The following CLEC16A variants were observed in gnomAD, a reference collection of about 807,000 sequenced individuals.
CLEC16A encodes C-type lectin domain containing 16A, also known as protein CLEC16A.
CLEC16A carries 51 observed loss-of-function variants against 109.5 expected under a neutral mutation model. That is an observed-to-expected ratio of 0.47 (90% confidence interval 0.37 to 0.59). CLEC16A has a LOEUF of 0.59. Ranked by LOEUF, CLEC16A falls within the 20% of genes least tolerant of loss-of-function variation. CLEC16A has a pLI of 0.00. For missense variants in CLEC16A, 1,339 were observed against 1,394.0 expected (o/e 0.96, Z 0.63); for synonymous variants, 673 against 564.2 (o/e 1.19, Z -2.73).
intron 12 of CLEC16A, among the ~76,000 whole-genome samples, chr16:11,022,335 AC>A (rs2046153579): frequency 8.2e-6 from 1 of 122,242 alleles, no homozygotes; most frequent in Non-Finnish European, 1.7e-5. Context: ...ATGTCTGGCT[AC>A]CTTTTTTTTT....
intron 19 of CLEC16A, among the ~76,000 whole-genome samples, chr16:11,109,863 C>T (rs1043714990): frequency 4.6e-5 from 7 of 152,210 alleles, no homozygotes; most frequent in Admixed American, 1.3e-4. Flanking sequence ...CTAATTTAAA[C>T]TCCAGCCGTA....
chr16:10,991,855 C>T (rs878975868), intron 10 of CLEC16A, among the ~76,000 whole-genome samples: 1 of 152,220 alleles, frequency 6.6e-6, no homozygotes, highest in Admixed American at 6.5e-5. Context: ...TTGCTCACTT[C>T]TCAGAGACCC....
At chr16:11,113,786 C>G (rs2051769624) in intron 19 of CLEC16A, among the ~76,000 whole-genome samples, 2 of 152,328 alleles carry the variant, frequency 1.3e-5, no homozygotes, top group African/African-American at 4.8e-5. Context: ...TGTCATTGCT[C>G]CTTGGTGTTA....
At chr16:11,023,812 A>G (rs2046258500) in intron 12 of CLEC16A, among the ~76,000 whole-genome samples, 1 of 152,186 alleles carries the variant, frequency 6.6e-6, no homozygotes, top group Non-Finnish European at 1.5e-5. Flanking sequence ...GTCACTCATG[A>G]AGGTGCTCTG....
Position 11,061,042 on chromosome 16 carries a change from T to C in CLEC16A, c.2116+20T>C. On this transcript the variant is annotated intron_variant, in intron 19 of 23. Coordinates refer to ENST00000409790, the MANE Select transcript of CLEC16A (RefSeq NM_015226.3). ...ATCTGAGTGAGTTGGCTGCTCTGAG[T>C]CACAGCAGGGGGCTGGGGGACATGG... The C allele has an allele frequency of 6.3e-7, 1 of 1,593,718 alleles. No homozygotes were observed. The highest frequency in any genetic ancestry group is 2.3e-5 in the East Asian group (1 of 44,266).
chr16:11,137,076 C>T (rs186472516), intron 22 of CLEC16A, among the ~76,000 whole-genome samples: 120 of 152,272 alleles, frequency 7.9e-4, no homozygotes, highest in African/African-American at 2.7e-3. Context: ...TCGTGTGAAC[C>T]AAGAGTACAG....
chr16:10,968,895 G>T (rs1229031939), intron 3 of CLEC16A, among the ~76,000 whole-genome samples: 2 of 151,798 alleles, frequency 1.3e-5, no homozygotes, highest in East Asian at 1.9e-4. Context: ...TCAATGAAAA[G>T]AAAATGTTGG....
At chr16:11,016,908 A>C (rs1039088409) in intron 11 of CLEC16A, among the ~76,000 whole-genome samples, 1 of 148,788 alleles carries the variant, frequency 6.7e-6, no homozygotes, top group Non-Finnish European at 1.5e-5. Flanking sequence ...GGAGACTCTG[A>C]TCTTTGACAT....
rs1475347771 is a variant in CLEC16A, at chr16:10,954,766, C to T, written c.81-3016C>T. 2.6e-5 allele frequency among the ~76,000 whole-genome samples: 4 copies of T among 152,214 alleles called. No homozygotes were observed. The highest frequency in any genetic ancestry group is 4.4e-5 in the Non-Finnish European group (3 of 68,036). On this transcript the variant is annotated intron_variant, in intron 1 of 23. Coordinates refer to ENST00000409790, the MANE Select transcript of CLEC16A (RefSeq NM_015226.3). The surrounding 1 kb of genome is among the most constrained non-coding windows in gnomAD (Gnocchi z 4.2). ...GGAAATACCAGACTTTCTCTACTTC[C>T]TGCTCTGGTTTCGCTGAACCTTCCC...
chr16:11,158,192 TACTGTTTC>T (rs1294972751), intron 22 of CLEC16A, among the ~76,000 whole-genome samples: 5 of 152,192 alleles, frequency 3.3e-5, no homozygotes, highest in Admixed American at 6.5e-5. Flanking sequence ...GATTTTTTTT[TACTGTTTC>T]CCAGCATCGT....
At chr16:11,154,353 G>T (rs2054419780) in intron 22 of CLEC16A, among the ~76,000 whole-genome samples, 1 of 152,178 alleles carries the variant, frequency 6.6e-6, no homozygotes, top group Non-Finnish European at 1.5e-5. Flanking sequence ...AAATAGAATA[G>T]TCATGTGTCT....
At chr16:10,963,865 G>C (rs759827198) in intron 3 of CLEC16A, among the ~76,000 whole-genome samples, 2 of 152,196 alleles carry the variant, frequency 1.3e-5, no homozygotes, top group Non-Finnish European at 2.9e-5. Flanking sequence ...GTAGAGGGTA[G>C]GGGTGCTGCT....
At chr16:11,154,281 T>G (rs1454238703) in intron 22 of CLEC16A, among the ~76,000 whole-genome samples, 5 of 152,256 alleles carry the variant, frequency 3.3e-5, no homozygotes, top group African/African-American at 1.2e-4. Context: ...GTCAAGTTAG[T>G]TGAATATTGG....
chr16:11,150,724 A>G (rs933906075), intron 22 of CLEC16A, among the ~76,000 whole-genome samples: 15 of 152,190 alleles, frequency 9.9e-5, no homozygotes, highest in Non-Finnish European at 1.5e-4. Context: ...GGTGGCATAA[A>G]CAGCAGAAAT....
chr16:11,023,033 G>A (rs2046209336), intron 12 of CLEC16A, among the ~76,000 whole-genome samples: 1 of 148,962 alleles, frequency 6.7e-6, no homozygotes, highest in Non-Finnish European at 1.5e-5. Flanking sequence ...CATAAAGGGG[G>A]AAAAAGTCTT....
At chr16:10,983,857 T>G (rs1003583806) in intron 10 of CLEC16A, among the ~76,000 whole-genome samples, 18 of 151,836 alleles carry the variant, frequency 1.2e-4, no homozygotes, top group African/African-American at 4.1e-4. Flanking sequence ...TTCAAAGGTC[T>G]TACCCACTCT....
chr16:10,969,406 G>A, intron 4 of CLEC16A, 97 bp downstream of exon 4: 2 of 871,748 alleles, frequency 2.3e-6, no homozygotes, highest in South Asian at 3.5e-5. Context: ...ATGGTCTTGT[G>A]TCTGTTTACA....
rs1020578410 is a variant in CLEC16A at position 11,120,859 on chromosome 16, T to C, written c.2268+93T>C. 8 of 1,181,016 alleles carry C rather than the reference T, an allele frequency of 6.8e-6. No homozygotes were observed. In the African/African-American group the frequency reaches 1.1e-4, roughly 16 times the overall value. 73.2% of individuals were successfully genotyped at this position (1,181,016 alleles called of 1,614,324 possible). Reference sequence around the variant, plus strand: ...ACACACCACACACAATTGTCATCTTTATCATTAATTTGTAGTGATATTATA... The same window carrying C: ...ACACACCACACACAATTGTCATCTTCATCATTAATTTGTAGTGATATTATA... On this transcript the variant is annotated intron_variant, in intron 20 of 23. Coordinates refer to ENST00000409790, the MANE Select transcript of CLEC16A (RefSeq NM_015226.3).
intron 22 of CLEC16A, among the ~76,000 whole-genome samples, chr16:11,158,318 C>A (rs976828033): frequency 5.9e-5 from 9 of 152,170 alleles, no homozygotes; most frequent in African/African-American, 2.2e-4. Context: ...GCCTCATGGT[C>A]CTCATTCACG....
Sources: gnomAD v4.1 joint callset for allele counts (sites outside exome capture counted in the v4.1 genomes callset) on GRCh38, gnomAD v4.1.1 for gene constraint, Gnocchi (gnomAD v3.1) non-coding constraint, MANE v1.5 for transcripts, NCBI Gene and HGNC (gene_info 2026-07-23, HGNC 2026-07-21) for gene names.